IGSF21: variants seen among roughly 807,000 people sequenced by gnomAD.
IGSF21 encodes immunoglobin superfamily member 21.
In IGSF21, 28 loss-of-function variants were observed where a neutral mutation model predicts 46.8. The ratio of observed to expected loss-of-function variants is 0.60; its 90% confidence interval spans 0.44 to 0.82. The LOEUF (loss-of-function observed/expected upper bound fraction) is 0.82, where lower values mean the gene tolerates loss of function less well. Among genes scored for constraint, IGSF21 ranks in the 40% least tolerant of loss-of-function variants. IGSF21 has a pLI of 0.00. For synonymous variants in IGSF21, 284 were observed against 273.6 expected (o/e 1.04, Z -0.38); for missense variants, 624 against 665.5 (o/e 0.94, Z 0.69).
At chr1:18,189,220 T>C (rs2086932569) in intron 1 of IGSF21, among the ~76,000 whole-genome samples, 1 of 152,224 alleles carries the variant, frequency 6.6e-6, no homozygotes, top group Non-Finnish European at 1.5e-5. Context: ...CTTCTTGCTA[T>C]GTAGTTCTCT....
chr1:18,284,510 C>T (rs867907148), intron 2 of IGSF21, among the ~76,000 whole-genome samples: 14 of 152,342 alleles, frequency 9.2e-5, no homozygotes, highest in Admixed American at 3.3e-4. Flanking sequence ...CTTGCCTTTG[C>T]ATTTTGCAAG....
intron 1 of IGSF21, among the ~76,000 whole-genome samples, chr1:18,208,832 T>G (rs759438077): frequency 3.3e-5 from 5 of 152,230 alleles, no homozygotes; most frequent in Non-Finnish European, 7.4e-5. Context: ...CCAGGACACA[T>G]TTTTTTGAAA....
rs142974300 is a variant in IGSF21, at chr1:18,186,200, CA to C, written c.71-41694del. ...TTTCCACCTGGGAGACTGATTTGCT[CA>C]AAATTGGCTTGGGGAGGGCAAAGCT... On this transcript the variant is annotated intron_variant, in intron 1 of 9. Coordinates refer to ENST00000251296, the MANE Select transcript of IGSF21 (RefSeq NM_032880.5). Among the ~76,000 whole-genome samples the C allele has an allele frequency of 1.5e-4, 23 of 152,194 alleles. No individual in the cohort carries two copies. The East Asian group carries it at 4.4e-3, about 29-fold the overall frequency.
chr1:18,205,930 C>A (rs1432172559), intron 1 of IGSF21, among the ~76,000 whole-genome samples: 1 of 152,234 alleles, frequency 6.6e-6, no homozygotes, highest in Non-Finnish European at 1.5e-5. Flanking sequence ...GCACTTAACA[C>A]TATGCCTACC....
intron 1 of IGSF21, among the ~76,000 whole-genome samples, chr1:18,136,742 T>A: frequency 6.6e-6 from 1 of 152,244 alleles, no homozygotes; most frequent in East Asian, 1.9e-4. Context: ...CGATGCGGGC[T>A]CTTTTTTGGT....
chr1:18,132,740 G>A (rs891125836), intron 1 of IGSF21, among the ~76,000 whole-genome samples: 21 of 152,144 alleles, frequency 1.4e-4, no homozygotes, highest in African/African-American at 4.8e-4. Context: ...GTGGGCAAGG[G>A]GGTGGGGGAC....
intron 1 of IGSF21, among the ~76,000 whole-genome samples, chr1:18,183,254 G>A (rs9726367): frequency 1.2e-3 from 182 of 152,326 alleles, no homozygotes; most frequent in African/African-American, 4.0e-3. Context: ...AAATAAAACA[G>A]GTTCATTCCA....
At chr1:18,208,397 T>TATA (rs368652183) in intron 1 of IGSF21, among the ~76,000 whole-genome samples, 29,098 of 91,586 alleles carry the variant, frequency 0.32, 7,471 homozygotes, top group East Asian at 0.53. Flanking sequence ...ATATATATAT[T>TATA]TTTTGAGACG....
Position 18,208,548 on chromosome 1 carries a change from A to ATT in IGSF21, c.71-19329_71-19328dup, listed in dbSNP as rs10601446. On this transcript the variant is annotated intron_variant, in intron 1 of 9. Transcript: ENST00000251296. ...AGGAGCCCACCATCAAGCCCAGCTA[A>ATT]TTTTTTTTTTTTTTTTTTTTTTGTA... Among the ~76,000 whole-genome samples, 11 of 85,834 alleles carry ATT rather than the reference A, an allele frequency of 1.3e-4. 1 individual carries two copies. Among genetic ancestry groups the ATT allele is most frequent in the African/African-American group, 1.8e-4 (4 of 22,110 alleles). 56.3% of individuals were successfully genotyped at this position (85,834 alleles called of 152,430 possible).
At chr1:18,350,917 G>A (rs191904782) in intron 4 of IGSF21, among the ~76,000 whole-genome samples, 283 of 151,860 alleles carry the variant, frequency 1.9e-3, no homozygotes, top group African/African-American at 6.6e-3. Context: ...CAGGGAGATC[G>A]GCAGGCGTGG....
At chr1:18,248,523 A>G (rs1344975357) in intron 2 of IGSF21, among the ~76,000 whole-genome samples, 1 of 151,888 alleles carries the variant, frequency 6.6e-6, no homozygotes, top group African/African-American at 2.4e-5. Flanking sequence ...GGAAAATGCT[A>G]CCCAAGCAGA....
chr1:18,363,163 G>A (rs1020506935), intron 5 of IGSF21, among the ~76,000 whole-genome samples: 6 of 152,182 alleles, frequency 3.9e-5, no homozygotes, highest in South Asian at 4.1e-4. Flanking sequence ...TTTGGGCTAC[G>A]TACCCTTTCA....
chr1:18,377,053 G>T (rs2086290470), intron 8 of IGSF21, 61 bp downstream of exon 8: 4 of 1,509,488 alleles, frequency 2.6e-6, no homozygotes, highest in Non-Finnish European at 3.6e-6. Flanking sequence ...TGTCTGGGAG[G>T]TTTCCCCAGG....
rs538537305 is a variant in IGSF21, at chr1:18,325,827, G to A, written c.306-9065G>A. 2.6e-5 allele frequency among the ~76,000 whole-genome samples: 4 copies of A among 152,324 alleles called. No homozygotes were observed. In the East Asian group the frequency reaches 7.7e-4, roughly 29 times the overall value. ...GCTAATCTATTCCCCAGTCCTGGGA[G>A]GTTTGTGCTCTCACCCAGGGACTGT... On this transcript the variant is annotated intron_variant, in intron 3 of 9. Transcript: ENST00000251296.
intron 2 of IGSF21, among the ~76,000 whole-genome samples, chr1:18,246,956 A>T (rs2084790462): frequency 6.6e-6 from 1 of 152,116 alleles, no homozygotes; most frequent in South Asian, 2.1e-4. Flanking sequence ...GCACCACCGG[A>T]AGGAGGAACT....
intron 1 of IGSF21, among the ~76,000 whole-genome samples, chr1:18,133,492 A>G (rs1287276914): frequency 3.3e-5 from 5 of 152,206 alleles, no homozygotes; most frequent in African/African-American, 1.2e-4. Flanking sequence ...TTTACCCTTC[A>G]TGGCATTGTC....
chr1:18,376,874 C>T lies in IGSF21; in HGVS notation c.1176C>T (p.Phe392=), dbSNP rs139607566. 3.2e-5 allele frequency: 52 copies of T among 1,612,686 alleles called. No homozygotes were observed. The Middle Eastern group carries it at 4.9e-4, about 15-fold the overall frequency. The change falls in exon 8 of 10, where the codon TTC becomes TTT. Residue 392 remains phenylalanine, a synonymous_variant. Transcript: ENST00000251296. ...GCCTCCTGGACGGCAGCGCTGAGTT[C>T]GACGGGAAGGAGCTGGTGCTGGAGC... is the stretch of plus-strand genomic sequence containing the variant. The part of the protein sequence containing the change: ...GSRLLDGSAE[F]DGKELVLERV...
At chr1:18,349,149 G>A (rs933814343) in intron 4 of IGSF21, among the ~76,000 whole-genome samples, 13 of 152,104 alleles carry the variant, frequency 8.5e-5, no homozygotes, top group African/African-American at 2.4e-4. Context: ...AGAGGAAACC[G>A]AGGCTCAGAC....
intron 1 of IGSF21, among the ~76,000 whole-genome samples, chr1:18,189,247 G>A (rs937131481): frequency 6.6e-6 from 1 of 152,200 alleles, no homozygotes; most frequent in Non-Finnish European, 1.5e-5. Context: ...CTTGCTGAAA[G>A]GAGCAGAAAA....
Sources: gnomAD v4.1 joint callset for allele counts (sites outside exome capture counted in the v4.1 genomes callset) on GRCh38, gnomAD v4.1.1 for gene constraint, MANE v1.5 for transcripts, NCBI Gene and HGNC (gene_info 2026-07-23, HGNC 2026-07-21) for gene names.